CACNB2: variants seen among roughly 807,000 people sequenced by gnomAD.
CACNB2 encodes the protein calcium voltage-gated channel auxiliary subunit beta 2.
A neutral mutation model predicts 73.3 loss-of-function variants in CACNB2; 42 were observed. That is an observed-to-expected ratio of 0.57 (90% CI 0.45 to 0.74). The LOEUF (loss-of-function observed/expected upper bound fraction) is 0.74. Among genes scored for constraint, CACNB2 ranks in the 30% least tolerant of loss-of-function variants. The pLI is 0.00. For missense variants in CACNB2, 940 were observed against 853.0 expected (o/e 1.10, Z -1.27); for synonymous variants, 348 against 310.3 (o/e 1.12, Z -1.28).
intron 2 of CACNB2, among the ~76,000 whole-genome samples, chr10:18,163,040 A>C (rs10764332): frequency 0.48 from 72,384 of 151,854 alleles, 17,620 homozygotes; most frequent in East Asian, 0.57. Flanking sequence ...GACCTCCAAG[A>C]CAGGATATAT....
intron 2 of CACNB2, among the ~76,000 whole-genome samples, chr10:18,317,406 G>C (rs1246725779): frequency 6.6e-6 from 1 of 151,960 alleles, no homozygotes; most frequent in Non-Finnish European, 1.5e-5. Flanking sequence ...CTCCCCTTTT[G>C]GGACTCCAGT....
intron 3 of CACNB2, among the ~76,000 whole-genome samples, chr10:18,427,390 G>A (rs558975680): frequency 6.6e-6 from 1 of 151,972 alleles, no homozygotes; most frequent in South Asian, 2.1e-4. Flanking sequence ...TTTGGGGGAG[G>A]GTGGGGGACT....
intron 3 of CACNB2, among the ~76,000 whole-genome samples, chr10:18,447,747 C>T (rs1054500293): frequency 6.7e-6 from 1 of 148,172 alleles, no homozygotes; most frequent in Non-Finnish European, 1.5e-5. Flanking sequence ...ACAGAAAGTA[C>T]ATCACATCCC....
At chr10:18,495,682 G>A (rs948664249) in intron 3 of CACNB2, among the ~76,000 whole-genome samples, 1 of 151,362 alleles carries the variant, frequency 6.6e-6, no homozygotes, top group Non-Finnish European at 1.5e-5. Flanking sequence ...CAAAGTGTTG[G>A]GATTTACAGG....
intron 11 of CACNB2, among the ~76,000 whole-genome samples, chr10:18,534,850 C>G (rs948482882): frequency 6.6e-6 from 1 of 152,198 alleles, no homozygotes; most frequent in African/African-American, 2.4e-5. Flanking sequence ...ATTTTTATCT[C>G]AAACAACAAC....
intron 2 of CACNB2, among the ~76,000 whole-genome samples, chr10:18,395,241 G>C (rs1173609711): frequency 6.6e-6 from 1 of 152,154 alleles, no homozygotes; most frequent in Non-Finnish European, 1.5e-5. Context: ...CAAGGCCTTT[G>C]CATATGATGT....
chr10:18,409,095 C>T (rs773818061), intron 3 of CACNB2, among the ~76,000 whole-genome samples: 9 of 151,964 alleles, frequency 5.9e-5, no homozygotes, highest in Non-Finnish European at 1.3e-4. Flanking sequence ...GTCAGGAGTT[C>T]GAGGCCAGGC....
intron 6 of CACNB2, among the ~76,000 whole-genome samples, chr10:18,509,651 A>C (rs1027995373): frequency 6.6e-6 from 1 of 151,998 alleles, no homozygotes; most frequent in Non-Finnish European, 1.5e-5. Context: ...TTAGCTGGGT[A>C]TGGTGGTGTG....
intron 3 of CACNB2, among the ~76,000 whole-genome samples, chr10:18,468,965 C>T (rs1393715175): frequency 1.3e-5 from 2 of 152,286 alleles, no homozygotes. Context: ...AAAATGTTTG[C>T]AGATAACTGG....
intron 2 of CACNB2, among the ~76,000 whole-genome samples, chr10:18,263,693 T>C (rs542373551): frequency 1.3e-5 from 2 of 152,202 alleles, no homozygotes; most frequent in Non-Finnish European, 2.9e-5. Flanking sequence ...AAAGTTATAC[T>C]CATATGCCAT....
intron 2 of CACNB2, among the ~76,000 whole-genome samples, chr10:18,288,630 A>G (rs1029330193): frequency 7.3e-5 from 11 of 151,306 alleles, no homozygotes; most frequent in African/African-American, 2.4e-4. Flanking sequence ...AGGAGAAAAA[A>G]CATAGTTTTT....
At chr10:18,231,245 C>T (rs547458126) in intron 2 of CACNB2, among the ~76,000 whole-genome samples, 5 of 152,288 alleles carry the variant, frequency 3.3e-5, no homozygotes, top group East Asian at 3.9e-4. Context: ...GGCCCGATCT[C>T]GGCTCACTGC....
intron 2 of CACNB2, among the ~76,000 whole-genome samples, chr10:18,308,468 C>A (rs1007614649): frequency 6.6e-6 from 1 of 152,206 alleles, no homozygotes; most frequent in South Asian, 2.1e-4. Flanking sequence ...TCCCGCCCTC[C>A]GCTCTCCAGG....
rs56671616 is a variant in CACNB2 at position 18,438,002 on chromosome 10, A to AT, written c.333+35992dup. On this transcript the variant is annotated intron_variant, in intron 3 of 13. Transcript: ENST00000324631. ...GTGTCGGGATACCTGGCCCAGTTGG[A>AT]TTTTTTTTTTTTTTTTTTTTTTTTT... Among the ~76,000 whole-genome samples, 172 of 41,762 alleles carry AT rather than the reference A, an allele frequency of 4.1e-3. 13 individuals are homozygous for AT. Among genetic ancestry groups the AT allele is most frequent in the Admixed American group, 7.8e-3 (20 of 2,550 alleles). 27.4% of individuals were successfully genotyped at this position (41,762 alleles called of 152,430 possible).
intron 2 of CACNB2, among the ~76,000 whole-genome samples, chr10:18,173,883 T>C (rs1564316334): frequency 1.3e-5 from 2 of 152,210 alleles, no homozygotes; most frequent in Admixed American, 6.5e-5. Flanking sequence ...TCTATAAAAG[T>C]GCCACAAATA....
rs375114460 is a variant in CACNB2 at position 18,343,646 on chromosome 10, A to T, written c.214-58278A>T. ...TTCTGCAATAGCTAGGAATGAAAGA[A>T]CTTAGCTCTGAAATCCCAAACTGTG... is the stretch of plus-strand genomic sequence containing the variant. On this transcript the variant is annotated intron_variant, in intron 2 of 13. Transcript: ENST00000324631. Among the ~76,000 whole-genome samples the T allele has an allele frequency of 3.3e-5, 5 of 152,318 alleles. No individual in the cohort carries two copies. The East Asian group carries it at 9.6e-4, about 29-fold the overall frequency.
chr10:18,291,716 G>T (rs1414231634), intron 2 of CACNB2, among the ~76,000 whole-genome samples: 1 of 152,174 alleles, frequency 6.6e-6, no homozygotes, highest in Non-Finnish European at 1.5e-5. Flanking sequence ...AGTACTGTAT[G>T]TTGCCATGCC....
intron 2 of CACNB2, among the ~76,000 whole-genome samples, chr10:18,224,791 C>A (rs566128282): frequency 6.6e-6 from 1 of 152,296 alleles, no homozygotes; most frequent in African/African-American, 2.4e-5. Flanking sequence ...CCTGCCGAGC[C>A]AAATCGAAGT....
chr10:18,170,321 C>T (rs1307614290), intron 2 of CACNB2, among the ~76,000 whole-genome samples: 1 of 152,182 alleles, frequency 6.6e-6, no homozygotes, highest in Non-Finnish European at 1.5e-5. Flanking sequence ...GACCTGAGAG[C>T]TCTCAGATTC....
Sources: allele counts gnomAD v4.1 joint callset (sites outside exome capture counted in the v4.1 genomes callset), GRCh38; gene constraint gnomAD v4.1.1; transcripts MANE v1.5; gene names NCBI Gene and HGNC (gene_info 2026-07-23, HGNC 2026-07-21).